Variants in CADM2 observed in about 807,000 individuals in gnomAD.
The protein encoded by CADM2 is immunoglobulin superfamily member 4D.
A neutral mutation model predicts 49.8 loss-of-function variants in CADM2; 12 were observed. The observed-to-expected ratio is 0.24, with a 90% CI of 0.15 to 0.39. CADM2 has a LOEUF of 0.39. Among genes scored for constraint, CADM2 ranks in the 10% least tolerant of loss-of-function variants. CADM2 has a pLI of 1.00. For missense variants in CADM2, 378 were observed against 492.3 expected (o/e 0.77, Z 2.20); for synonymous variants, 214 against 175.4 (o/e 1.22, Z -1.74).
At chr3:85,362,211 A>G (rs1559800594) in intron 1 of CADM2, among the ~76,000 whole-genome samples, 1 of 152,202 alleles carries the variant, frequency 6.6e-6, no homozygotes, top group Admixed American at 6.5e-5. Flanking sequence ...GTTCTCCAGT[A>G]CAGGGATAGC....
chr3:85,704,827 T>C (rs2066888240), intron 1 of CADM2, among the ~76,000 whole-genome samples: 1 of 151,668 alleles, frequency 6.6e-6, no homozygotes, highest in Admixed American at 6.6e-5. Context: ...AGGGCAATTA[T>C]TTAAACCCCC....
intron 1 of CADM2, among the ~76,000 whole-genome samples, chr3:85,244,508 G>A (rs1224691374): frequency 6.6e-6 from 1 of 152,110 alleles, no homozygotes; most frequent in Non-Finnish European, 1.5e-5. Flanking sequence ...AAATAGAAAA[G>A]TAATGTGAAA....
chr3:85,184,778 A>G (rs1576066464), intron 1 of CADM2, among the ~76,000 whole-genome samples: 1 of 152,126 alleles, frequency 6.6e-6, no homozygotes, highest in East Asian at 1.9e-4. Flanking sequence ...ATTGCTTGTG[A>G]TAGTAAGAAA....
At position 85,478,139 on chromosome 3, in the gene CADM2, T is replaced by C. The variant is rs1339339397; in HGVS notation, c.62-248383T>C. 2.6e-5 allele frequency among the ~76,000 whole-genome samples: 4 copies of C among 151,948 alleles called. No individual in the cohort carries two copies. The East Asian group carries it at 7.7e-4, about 29-fold the overall frequency. On this transcript the variant is annotated intron_variant, in intron 1 of 9. Coordinates refer to ENST00000383699, the MANE Select transcript of CADM2 (RefSeq NM_001167675.2). ...AAACCTTACGTATATCAGTTATCTA[T>C]GTAATCTTTTATGCCTTTGATAAGG...
chr3:85,528,393 A>C (rs1263820929), intron 1 of CADM2, among the ~76,000 whole-genome samples: 1 of 152,212 alleles, frequency 6.6e-6, no homozygotes, highest in Non-Finnish European at 1.5e-5. Context: ...AGTAACTATG[A>C]CTTCAAAATG....
intron 2 of CADM2, among the ~76,000 whole-genome samples, chr3:85,736,529 T>C (rs2068145822): frequency 2.6e-5 from 4 of 152,150 alleles, no homozygotes; most frequent in Admixed American, 1.3e-4. Flanking sequence ...AGACAGCAAG[T>C]AGAGTTTCTG....
chr3:85,957,082 T>C (rs999140558), intron 7 of CADM2, among the ~76,000 whole-genome samples: 5 of 151,846 alleles, frequency 3.3e-5, no homozygotes, highest in Non-Finnish European at 7.4e-5. Context: ...GATTTCTACA[T>C]TGCTACAAAT....
intron 1 of CADM2, among the ~76,000 whole-genome samples, chr3:85,233,201 C>T (rs139392334): frequency 3.9e-5 from 6 of 151,994 alleles, no homozygotes; most frequent in East Asian, 1.9e-4. Flanking sequence ...ACTACTGAGA[C>T]GGTGAAAGAT....
intron 8 of CADM2, among the ~76,000 whole-genome samples, chr3:85,971,980 G>C (rs1029058940): frequency 6.6e-6 from 1 of 151,418 alleles, no homozygotes; most frequent in African/African-American, 2.4e-5. Flanking sequence ...GGGATGAAAA[G>C]GGATTTATTC....
intron 1 of CADM2, among the ~76,000 whole-genome samples, chr3:85,078,917 TAACA>T (rs1423096092): frequency 1.3e-5 from 2 of 151,772 alleles, no homozygotes; most frequent in Non-Finnish European, 3.0e-5. Context: ...ACAGAAATGC[TAACA>T]GTGTATATTA....
At chr3:85,301,360 C>T (rs1016700388) in intron 1 of CADM2, among the ~76,000 whole-genome samples, 6 of 152,008 alleles carry the variant, frequency 3.9e-5, no homozygotes, top group African/African-American at 1.2e-4. Flanking sequence ...TTCCCAGTGC[C>T]TCGGGATGTG....
chr3:85,500,549 G>A (rs1370893851), intron 1 of CADM2, among the ~76,000 whole-genome samples: 2 of 150,324 alleles, frequency 1.3e-5, no homozygotes, highest in Admixed American at 6.6e-5. Context: ...ACGGAGTGTC[G>A]CTCTGTTGGC....
chr3:85,602,381 C>A (rs192432629), intron 1 of CADM2, among the ~76,000 whole-genome samples: 7 of 151,636 alleles, frequency 4.6e-5, no homozygotes, highest in Non-Finnish European at 7.4e-5. Flanking sequence ...TCATTTTGAA[C>A]GAAGTAACTA....
intron 2 of CADM2, among the ~76,000 whole-genome samples, chr3:85,796,179 T>C (rs1034093805): frequency 6.6e-6 from 1 of 152,234 alleles, no homozygotes; most frequent in Non-Finnish European, 1.5e-5. Context: ...GCGTGCTTTT[T>C]ATTGCTTAAA....
intron 1 of CADM2, among the ~76,000 whole-genome samples, chr3:85,291,935 A>T (rs1235385462): frequency 6.6e-6 from 1 of 152,036 alleles, no homozygotes; most frequent in Admixed American, 6.6e-5. Flanking sequence ...TTCACACATA[A>T]CAATATTACC....
chr3:86,027,393 A>G (rs73843577), intron 8 of CADM2, among the ~76,000 whole-genome samples: 2,223 of 152,284 alleles, frequency 0.015, 49 homozygotes, highest in African/African-American at 0.051. Context: ...TCACAGCCTC[A>G]GTAGAGAGGA....
At chr3:86,014,248 G>C (rs746752390) in intron 8 of CADM2, 24 of 1,305,784 alleles carry the variant, frequency 1.8e-5, no homozygotes, top group Non-Finnish European at 2.2e-5. Context: ...TTTATACTCT[G>C]CAGTGCAGTA....
At chr3:85,434,909 G>T (rs955983301) in intron 1 of CADM2, among the ~76,000 whole-genome samples, 3 of 152,062 alleles carry the variant, frequency 2.0e-5, no homozygotes, top group African/African-American at 7.2e-5. Context: ...AACAGTAGAG[G>T]TGTTGTATAG....
chr3:85,843,901 G>A (rs941946441), intron 3 of CADM2, among the ~76,000 whole-genome samples: 17 of 151,714 alleles, frequency 1.1e-4, no homozygotes, highest in African/African-American at 3.6e-4. Flanking sequence ...TGTGTGTGGG[G>A]GGGGAGCGGT....
Sources: allele counts gnomAD v4.1 joint callset (sites outside exome capture counted in the v4.1 genomes callset), GRCh38; gene constraint gnomAD v4.1.1; transcripts MANE v1.5; gene names NCBI Gene and HGNC (gene_info 2026-07-23, HGNC 2026-07-21).